The following PCDHA2 variants were observed in gnomAD, a reference collection of about 807,000 sequenced individuals.
The protein encoded by PCDHA2 is protocadherin alpha 2, also known as protocadherin alpha-2.
A neutral mutation model predicts 66.0 loss-of-function variants in PCDHA2; 58 were observed. The observed-to-expected ratio is 0.88, with a 90% CI of 0.71 to 1.09. The LOEUF (loss-of-function observed/expected upper bound fraction) is 1.09, where lower values mean the gene tolerates loss of function less well. PCDHA2 is among the 50% of genes least tolerant of loss of function. The pLI is 0.00. For missense variants in PCDHA2, 1,267 were observed against 1,242.3 expected (o/e 1.02, Z -0.30); for synonymous variants, 634 against 554.0 (o/e 1.14, Z -2.03).
rs140634296 is a variant in PCDHA2 at position 140,850,279 on chromosome 5, G to T, written c.2388+52927G>T. Reference sequence around the variant, plus strand: ...GCCGGCGTAGTGGTGGGGAAGGTGCGCGCAGTGGACGCCGACTCGGGCTAC... The same window carrying T: ...GCCGGCGTAGTGGTGGGGAAGGTGCTCGCAGTGGACGCCGACTCGGGCTAC... On this transcript the variant is annotated intron_variant, in intron 1 of 3. Transcript: ENST00000526136. The T allele has an allele frequency of 5.0e-6, 8 of 1,595,454 alleles. 2 individuals are homozygous for T. The highest frequency in any genetic ancestry group is 1.1e-5 in the South Asian group (1 of 90,466).
At chr5:140,882,092 A>C (rs59479) in intron 1 of PCDHA2, 748,334 of 1,137,016 alleles carry the variant, frequency 0.66, 247,467 homozygotes, top group African/African-American at 0.7. Flanking sequence ...CTTCACTGAG[A>C]ACGTTTCCGC....
chr5:140,999,431 C>G (rs1554256799), intron 3 of PCDHA2, among the ~76,000 whole-genome samples: 1 of 152,134 alleles, frequency 6.6e-6, no homozygotes, highest in African/African-American at 2.4e-5. Context: ...GGCCAAGTAC[C>G]TTGCCTCTTA....
chr5:140,879,227 T>C (rs1474080938), intron 1 of PCDHA2, among the ~76,000 whole-genome samples: 5 of 152,126 alleles, frequency 3.3e-5, no homozygotes, highest in Admixed American at 6.5e-5. Flanking sequence ...GAAAAAGACA[T>C]ATACAAGAGG....
rs1340028669 is a variant in PCDHA2 at position 140,846,205 on chromosome 5, T to A, written c.2388+48853T>A. ...GTTTGAGTTCTTTGTATGTATGAGA[T>A]CTTTCCATTAATAGTATTTTTCTTA... On this transcript the variant is annotated intron_variant, in intron 1 of 3. Transcript: ENST00000526136. Among the ~76,000 whole-genome samples, 4 of 149,544 alleles carry A rather than the reference T, an allele frequency of 2.7e-5. 1 individual carries two copies. The highest frequency in any genetic ancestry group is 6.0e-5 in the Non-Finnish European group (4 of 66,902).
intron 1 of PCDHA2, among the ~76,000 whole-genome samples, chr5:140,956,211 TCCTTG>T (rs2095268091): frequency 6.6e-6 from 1 of 152,198 alleles, no homozygotes; most frequent in Non-Finnish European, 1.5e-5. Flanking sequence ...AAAGAGGGCA[TCCTTG>T]TCTTGTGCTG....
intron 1 of PCDHA2, chr5:140,967,972 G>C: frequency 1.2e-6 from 2 of 1,614,190 alleles, no homozygotes; most frequent in Non-Finnish European, 1.7e-6. Flanking sequence ...AAGTGAGCCT[G>C]GGTCTGGAGG....
intron 1 of PCDHA2, among the ~76,000 whole-genome samples, chr5:140,916,482 G>C (rs2077584456): frequency 6.6e-6 from 1 of 152,194 alleles, no homozygotes; most frequent in African/African-American, 2.4e-5. Context: ...GTGCCCAAGG[G>C]CTCTTTAGTC....
intron 1 of PCDHA2, chr5:140,854,282 G>A: frequency 1.9e-6 from 1 of 533,858 alleles, no homozygotes; most frequent in African/African-American, 2.1e-5. Context: ...ATTGAGTTTA[G>A]TTTTTATTAT....
chr5:140,914,815 GACTGCATAAACAAAAAACAAACACACAA>G (rs2076856567), intron 1 of PCDHA2, among the ~76,000 whole-genome samples: 1 of 151,986 alleles, frequency 6.6e-6, no homozygotes, highest in Non-Finnish European at 1.5e-5. Context: ...CAACTTAACA[GACTGCATAAACAAAAAACAAACACACAA>G]AAGGAAGACT....
chr5:140,980,963 A>T (rs1047334103), intron 2 of PCDHA2, among the ~76,000 whole-genome samples: 8 of 152,224 alleles, frequency 5.3e-5, no homozygotes, highest in African/African-American at 1.9e-4. Context: ...TTACACCTTC[A>T]TGAATCTGAC....
At position 140,796,107 on chromosome 5, in the gene PCDHA2, G is replaced by T; in HGVS notation, c.1143G>T (p.Thr381=). 3.1e-6 allele frequency: 5 copies of T among 1,614,230 alleles called. No homozygotes were observed. In the South Asian group the frequency reaches 5.5e-5, roughly 18 times the overall value. The part of the protein sequence containing the change: ...LITVSDRDSG[T]NGHVTCSLTP... ...CGGTGTCGGATCGCGACTCTGGTAC[G>T]AATGGACATGTCACCTGCTCCCTGA... Residue 381 remains threonine (T), a synonymous_variant, in exon 1 of 4, where the codon ACG becomes ACT. Coordinates refer to ENST00000526136, the MANE Select transcript of PCDHA2 (RefSeq NM_018905.3).
At chr5:140,955,397 A>T (rs1470827673) in intron 1 of PCDHA2, among the ~76,000 whole-genome samples, 19 of 152,128 alleles carry the variant, frequency 1.2e-4, no homozygotes, top group Admixed American at 1.1e-3. Context: ...CAATTATCCC[A>T]TACAGTTCTC....
Position 140,886,842 on chromosome 5 carries a change from A to AG in PCDHA2, c.2388+89490_2388+89491insG, listed in dbSNP as rs1190647876. ...ACTTCGTCTTGAAAAAAAAAAAAAA[A>AG]AAAAAGAAAGGTCTTCCCAACTCCT... is the stretch of plus-strand genomic sequence containing the variant. On this transcript the variant is annotated intron_variant, in intron 1 of 3. Coordinates refer to ENST00000526136, the MANE Select transcript of PCDHA2 (RefSeq NM_018905.3). 2.4e-3 allele frequency among the ~76,000 whole-genome samples: 362 copies of AG among 151,632 alleles called. 2 individuals are homozygous for AG. Among genetic ancestry groups the AG allele is most frequent in the Middle Eastern group, 0.014 (4 of 292 alleles).
chr5:140,801,954 G>A, intron 1 of PCDHA2: 1 of 1,614,128 alleles, frequency 6.2e-7, no homozygotes, highest in Non-Finnish European at 8.5e-7. Flanking sequence ...CAGATTACTC[G>A]AAAATGCACC....
intron 1 of PCDHA2, chr5:140,812,734 C>T (rs148914019): frequency 6.6e-6 from 1 of 152,384 alleles, no homozygotes; most frequent in Non-Finnish European, 1.5e-5. Flanking sequence ...ACTGGGATTA[C>T]AGGCGTGAGC....
chr5:140,855,185 T>C (rs1184210889), intron 1 of PCDHA2, among the ~76,000 whole-genome samples: 3 of 149,814 alleles, frequency 2.0e-5, no homozygotes, highest in African/African-American at 7.3e-5. Flanking sequence ...TGTGGCCAAA[T>C]TGAGGCCTGA....
chr5:140,832,500 G>T (rs1772022478), intron 1 of PCDHA2, among the ~76,000 whole-genome samples: 1 of 152,184 alleles, frequency 6.6e-6, no homozygotes, highest in Non-Finnish European at 1.5e-5. Flanking sequence ...AAGAGTGGCA[G>T]AATTGTCTCT....
In PCDHA2 at chr5:140,823,005, C is replaced by T. The variant is rs2150121169; in HGVS notation, c.2388+25653C>T. On this transcript the variant is annotated intron_variant, in intron 1 of 3. Coordinates refer to ENST00000526136, the MANE Select transcript of PCDHA2 (RefSeq NM_018905.3). ...ATTACTACTCGTTGGTGCTGGACAG[C>T]GCCCTGGACCGCGAGAGCGTGTCGG... 5,038 of 1,614,224 alleles carry T rather than the reference C, an allele frequency of 3.1e-3. 120 individuals are homozygous for T. In the African/African-American group the frequency reaches 0.055, roughly 18 times the overall value.
At chr5:140,882,129 T>C (rs2153382855) in intron 1 of PCDHA2, 5 of 1,473,110 alleles carry the variant, frequency 3.4e-6, no homozygotes, top group Non-Finnish European at 2.7e-6. Context: ...TCTTTCTTCC[T>C]GCAGAAAATA....
Sources: allele counts gnomAD v4.1 joint callset (sites outside exome capture counted in the v4.1 genomes callset), GRCh38; gene constraint gnomAD v4.1.1; transcripts MANE v1.5; gene names NCBI Gene and HGNC (gene_info 2026-07-23, HGNC 2026-07-21).